Variants in KLK5 observed in about 807,000 individuals in gnomAD.
KLK5 encodes kallikrein-5.
KLK5 carries 18 observed loss-of-function variants against 24.0 expected under a neutral mutation model. The observed-to-expected ratio is 0.75, with a 90% CI of 0.52 to 1.11. The LOEUF (loss-of-function observed/expected upper bound fraction) is 1.11. Ranked by LOEUF, KLK5 falls within the 50% of genes most tolerant of loss-of-function variation. The pLI is 0.00. For missense variants in KLK5, 374 were observed against 379.2 expected, an observed-to-expected ratio of 0.99 and a Z score of 0.11; for synonymous variants, 140 against 154.0, an observed-to-expected ratio of 0.91 and a Z score of 0.67.
In KLK5 at chr19:50,952,727, A is replaced by C. The variant is rs1600078775; in HGVS notation, c.-12+20T>G. The C allele has an allele frequency of 8.4e-7, 1 of 1,190,584 alleles. No individual in the cohort carries two copies. Among genetic ancestry groups the C allele is most frequent in the Non-Finnish European group, 1.2e-6 (1 of 850,468 alleles). 73.8% of individuals were successfully genotyped at this position (1,190,584 alleles called of 1,614,324 possible). A position where few individuals can be genotyped will look rare whatever the true frequency, so the allele number is the denominator to read the frequency against. Reference sequence around the variant, plus strand: ...AGGCGATCCGGGGAGCCCTTAACCCACTTCCCCTCCCTCCCCTACCTTATT... The same window carrying C: ...AGGCGATCCGGGGAGCCCTTAACCCCCTTCCCCTCCCTCCCCTACCTTATT... On this transcript the variant is annotated intron_variant, in intron 1 of 5. Transcript: ENST00000336334.
Position 50,949,015 on chromosome 19 carries a change from A to C in KLK5, c.436T>G (p.Ser146Ala). The stretch of plus-strand genomic sequence containing the variant: ...AGGTCGTTAGAGTGGCCAGGGTGGG[A>C]GTAGCCAGGGTGGGGGATGGATTTG... ...GVKSIPHPGY[S>A]HPGHSNDLML... The change falls in exon 4 of 6, where the codon TCC (serine) becomes GCC (alanine). Residue 146 changes from serine (S) to alanine (A), a missense_variant. Physicochemically the swap from Ser to Ala is moderately conservative, Grantham distance 99. Transcript: ENST00000336334. 1 of 1,613,866 alleles carries C rather than the reference A, an allele frequency of 6.2e-7. No homozygotes were observed. The highest frequency in any genetic ancestry group is 1.3e-5 in the African/African-American group (1 of 74,956).
intron 2 of KLK5, among the ~76,000 whole-genome samples, chr19:50,951,011 AG>A (rs544711223): frequency 4.0e-5 from 6 of 151,526 alleles, no homozygotes; most frequent in African/African-American, 1.5e-4. Flanking sequence ...AGTCTGGCCT[AG>A]GGGCGTGGTT....
chr19:50,946,439 C>T (rs536921513), intron 5 of KLK5, among the ~76,000 whole-genome samples: 348 of 151,858 alleles, frequency 2.3e-3, no homozygotes, highest in Non-Finnish European at 3.5e-3. Context: ...GACCACACAC[C>T]GGTATGAAAA....
chr19:50,949,258 A>G, intron 3 of KLK5, 143 bp from the exon 4 acceptor site: 1 of 694,096 alleles, frequency 1.4e-6, no homozygotes, highest in Non-Finnish European at 2.2e-6. Context: ...CTTGGTCTCC[A>G]ATCCCATGCC....
chr19:50,952,794 C>T lies in KLK5; in HGVS notation c.-59G>A, dbSNP rs1189020327. 1.2e-5 allele frequency: 7 copies of T among 569,390 alleles called. No individual in the cohort carries two copies. The highest frequency in any genetic ancestry group is 2.1e-5 in the Non-Finnish European group (7 of 330,774). 35.3% of individuals were successfully genotyped at this position (569,390 alleles called of 1,614,324 possible). ...AACCACAAGGACGGGCCACCATCGG[C>T]ACTGCGCTGAGACCCAGGCACTATA... On this transcript the variant is annotated 5_prime_UTR_variant, in exon 1 of 6. Transcript: ENST00000336334.
chr19:50,949,265 T>C (rs2090663338), intron 3 of KLK5, 150 bp from the exon 4 acceptor site: 1 of 672,926 alleles, frequency 1.5e-6, no homozygotes, highest in Non-Finnish European at 2.4e-6. Flanking sequence ...TCCAATCCCA[T>C]GCCTGTCCCC....
chr19:50,951,604 A>G (rs1174646479), intron 2 of KLK5, among the ~76,000 whole-genome samples: 1 of 152,212 alleles, frequency 6.6e-6, no homozygotes, highest in East Asian at 1.9e-4. Context: ...CCCTGGCACC[A>G]CCATCATTCA....
In KLK5 at chr19:50,949,130, G is replaced by A. The variant is rs1242799468; in HGVS notation, c.336-15C>T. 34 of 1,608,392 alleles carry A rather than the reference G, an allele frequency of 2.1e-5. No individual in the cohort carries two copies. The Admixed American group carries it at 5.7e-4, about 27-fold the overall frequency. The stretch of plus-strand genomic sequence containing the variant: ...CTCTGAAAACTCTGAGGAAGATGGG[G>A]CAGGTCACCACCAACCCTGATCTCT... On this transcript the variant is annotated splice_polypyrimidine_tract_variant and intron_variant, in intron 3 of 5. Transcript: ENST00000336334.
Position 50,943,643 on chromosome 19 carries a change from C to T in KLK5, c.870G>A (p.Gln290=). 2 of 1,613,812 alleles carry T rather than the reference C, an allele frequency of 1.2e-6. No homozygotes were observed. Among genetic ancestry groups the T allele is most frequent in the South Asian group, 1.1e-5 (1 of 91,024 alleles). ...KFTKWIQETI[Q]ANS ...GTCCTGGGATGACTCAGGAGTTGGC[C>T]TGGATGGTTTCCTGGATCCACTTGG... Residue 290 remains glutamine, a synonymous_variant, in exon 6 of 6, where the codon CAG becomes CAA. Transcript: ENST00000336334.
At chr19:50,945,072 T>TTTC (rs2090620327) in intron 5 of KLK5, among the ~76,000 whole-genome samples, 1 of 138,334 alleles carries the variant, frequency 7.2e-6, no homozygotes, top group Admixed American at 7.8e-5. Context: ...CCTTCCTTCC[T>TTTC]TCCTTTCTCT....
At chr19:50,950,807 A>G (rs971847248) in intron 2 of KLK5, among the ~76,000 whole-genome samples, 3 of 142,270 alleles carry the variant, frequency 2.1e-5, no homozygotes, top group Non-Finnish European at 4.5e-5. Flanking sequence ...CACGAGAATC[A>G]CTTGAACCTG....
Position 50,948,660 on chromosome 19 carries a change from C to G in KLK5, c.706G>C (p.Ala236Pro), listed in dbSNP as rs749710032. The G allele has an allele frequency of 1.9e-6, 3 of 1,613,986 alleles. No individual in the cohort carries two copies. In the African/African-American group the frequency reaches 4.0e-5, roughly 22 times the overall value. The change falls in exon 5 of 6, where the codon GCA (alanine) becomes CCA (proline). Residue 236 changes from alanine to proline, a missense_variant. Ala to Pro is a conservative substitution (Grantham distance 27). Coordinates refer to ENST00000336334, the MANE Select transcript of KLK5 (RefSeq NM_012427.5). ...DDTMFCAGDK[A>P]GRDSCQGDSG... is the part of the protein sequence containing the mutation. ...CTCACCTGGCAGGAGTCTCTACCTGCTTTGTCACCGGCGCAGAACATGGTG... is the reference window on the plus strand; with the variant it reads ...CTCACCTGGCAGGAGTCTCTACCTGGTTTGTCACCGGCGCAGAACATGGTG...
chr19:50,950,477 T>C (rs1368680339), intron 2 of KLK5, among the ~76,000 whole-genome samples: 1 of 151,954 alleles, frequency 6.6e-6, no homozygotes, highest in Non-Finnish European at 1.5e-5. Flanking sequence ...GGGATGGAAC[T>C]GGTCTCAAGA....
chr19:50,950,038 C>T lies in KLK5; in HGVS notation c.152G>A (p.Gly51Glu), dbSNP rs369641242. ...TVPSGSNQDL[G>E]AGAGEDARSD... ...CCGGGCGTCTTCCCCGGCCCCAGCT[C>T]CCAGGTCCTGGTTGCTCCCAGAGGG... The change falls in exon 3 of 6, where the codon GGA becomes GAA. Residue 51 changes from glycine (G) to glutamate (E), a missense_variant. Coordinates refer to ENST00000336334, the MANE Select transcript of KLK5 (RefSeq NM_012427.5). The T allele has an allele frequency of 1.4e-4, 223 of 1,613,602 alleles. No individual in the cohort carries two copies. The highest frequency in any genetic ancestry group is 1.8e-4 in the Non-Finnish European group (213 of 1,179,908).
Position 50,952,918 on chromosome 19 carries a change from C to T in KLK5, c.-183G>A. 1 of 313,144 alleles carries T rather than the reference C, an allele frequency of 3.2e-6. No individual in the cohort carries two copies. 19.4% of individuals were successfully genotyped at this position (313,144 alleles called of 1,614,324 possible). A position where few individuals can be genotyped will look rare whatever the true frequency, so the allele number is the denominator to read the frequency against. On this transcript the variant is annotated 5_prime_UTR_variant, in exon 1 of 6. Coordinates refer to ENST00000336334, the MANE Select transcript of KLK5 (RefSeq NM_012427.5). ...CGCACAGACACCTCTCCTTCCCTGC[C>T]TGCTGAGCCACCCTCACCAGGTCTC... is the stretch of plus-strand genomic sequence containing the variant.
chr19:50,949,739 A>ACCCCCCCTCCCCCTCCCCCCCCCCC, intron 3 of KLK5, 116 bp downstream of exon 3: 1 of 432,332 alleles, frequency 2.3e-6, no homozygotes, highest in South Asian at 2.4e-5. Context: ...GACACCCCCA[A>ACCCCCCCTCCCCCTCCCCCCCCCCC]CCCCACTTCC....
At position 50,947,513 on chromosome 19, in the gene KLK5, T is replaced by C. The variant is rs2090646189; in HGVS notation, c.726+1127A>G. Among the ~76,000 whole-genome samples the C allele has an allele frequency of 6.6e-6, 1 of 152,158 alleles. No individual in the cohort carries two copies. The highest frequency in any genetic ancestry group is 1.5e-5 in the Non-Finnish European group (1 of 68,020). On this transcript the variant is annotated intron_variant, in intron 5 of 5. Coordinates refer to ENST00000336334, the MANE Select transcript of KLK5 (RefSeq NM_012427.5). This position sits in a 1 kb window ranked among gnomAD's most constrained non-coding sequence, Gnocchi z 8.7. ...CCTAAAACCATGTTTTATTTTGGGGTTAACCTTTACCACTCTCTGAAATTG... is the reference window on the plus strand; with the variant it reads ...CCTAAAACCATGTTTTATTTTGGGGCTAACCTTTACCACTCTCTGAAATTG...
intron 5 of KLK5, among the ~76,000 whole-genome samples, chr19:50,944,642 G>A (rs1375013214): frequency 6.6e-6 from 1 of 152,142 alleles, no homozygotes; most frequent in Non-Finnish European, 1.5e-5. Flanking sequence ...GGGCACTGTG[G>A]GCATCTGAAG....
rs759218172 is a variant in KLK5 at position 50,948,982 on chromosome 19, T to C, written c.469A>G (p.Ile157Val). 1 of 1,613,990 alleles carries C rather than the reference T, an allele frequency of 6.2e-7. No individual in the cohort carries two copies. Among genetic ancestry groups the C allele is most frequent in the Non-Finnish European group, 8.5e-7 (1 of 1,179,984 alleles). ...HPGHSNDLML[I>V]KLNRRIRPTK... is the part of the protein sequence containing the mutation. The stretch of plus-strand genomic sequence containing the variant: ...GGACGAATTCTTCTGTTCAGTTTGA[T>C]GAGCATGAGGTCGTTAGAGTGGCCA... Residue 157 changes from isoleucine (I) to valine (V), a missense_variant, in exon 4 of 6, where the codon ATC becomes GTC. Ile to Val is a conservative substitution (Grantham distance 29). Transcript: ENST00000336334.
Sources: allele counts gnomAD v4.1 joint callset (sites outside exome capture counted in the v4.1 genomes callset), GRCh38; gene constraint gnomAD v4.1.1; non-coding constraint Gnocchi (gnomAD v3.1); transcripts MANE v1.5; gene names NCBI Gene and HGNC (gene_info 2026-07-23, HGNC 2026-07-21).